The following SSR3 variants were observed in gnomAD, a reference collection of about 807,000 sequenced individuals.
The protein encoded by SSR3 is translocon-associated protein subunit gamma.
Under a neutral mutation model 22.1 loss-of-function variants are expected in SSR3, and 10 were observed. The ratio of observed to expected loss-of-function variants is 0.45; its 90% confidence interval spans 0.28 to 0.77. The LOEUF (loss-of-function observed/expected upper bound fraction) is 0.77, where lower values mean the gene tolerates loss of function less well. Among genes scored for constraint, SSR3 ranks in the 30% least tolerant of loss-of-function variants. The pLI, the probability that SSR3 is intolerant of heterozygous loss-of-function variation, is 0.13. For synonymous variants in SSR3, 104 were observed against 82.5 expected (o/e 1.26, Z -1.42); for missense variants, 181 against 220.5 (o/e 0.82, Z 1.13).
At chr3:156,545,586 C>T (rs192120545) in intron 3 of SSR3, among the ~76,000 whole-genome samples, 2 of 152,112 alleles carry the variant, frequency 1.3e-5, no homozygotes, top group East Asian at 1.9e-4. Context: ...CAAGTTTTGC[C>T]GGAAAGGAGC....
intron 3 of SSR3, among the ~76,000 whole-genome samples, chr3:156,546,499 A>G (rs1218807104): frequency 4.6e-5 from 7 of 152,226 alleles, no homozygotes; most frequent in Admixed American, 4.6e-4. Context: ...AGATCCCAAT[A>G]TGACCACGTG....
In SSR3 at chr3:156,542,388, T is replaced by C. The variant is rs1490238963; in HGVS notation, c.*815A>G. On this transcript the variant is annotated 3_prime_UTR_variant, in exon 5 of 5. Coordinates refer to ENST00000265044, the MANE Select transcript of SSR3 (RefSeq NM_007107.5). ...TACTTTGGTCTTTTACATGTCAATA[T>C]TCAGGAAAGAGGTTCTTTCTCTTAC... 1 of 152,258 alleles carries C rather than the reference T, an allele frequency of 6.6e-6. No homozygotes were observed. Among genetic ancestry groups the C allele is most frequent in the East Asian group, 1.9e-4 (1 of 5,204 alleles). The allele number at this position is 152,258 out of a possible 1,614,324, so 9.4% of individuals were successfully genotyped here.
intron 2 of SSR3, chr3:156,551,344 T>A (rs113454166): frequency 6.6e-6 from 1 of 152,088 alleles, no homozygotes; most frequent in African/African-American, 2.4e-5. Context: ...AAGTAAAGAA[T>A]GACGAGTCTC....
chr3:156,550,452 G>C (rs1474290068), intron 2 of SSR3, among the ~76,000 whole-genome samples: 1 of 152,172 alleles, frequency 6.6e-6, no homozygotes, highest in Non-Finnish European at 1.5e-5. Context: ...TCACCTACCA[G>C]GGGCATAACA....
chr3:156,552,268 C>A (rs562678684), intron 2 of SSR3, among the ~76,000 whole-genome samples: 1 of 148,478 alleles, frequency 6.7e-6, no homozygotes, highest in Non-Finnish European at 1.5e-5. Flanking sequence ...TGGGCCACTG[C>A]GCTCTAACTT....
At chr3:156,544,483 T>TA (rs768630069) in intron 3 of SSR3, 44 bp from the exon 4 acceptor site, 6 of 1,463,482 alleles carry the variant, frequency 4.1e-6, no homozygotes, top group South Asian at 1.6e-5. Flanking sequence ...AAATATGATT[T>TA]AAAAAAACTT....
Position 156,554,758 on chromosome 3 carries a change from A to T in SSR3, c.133+199T>A, listed in dbSNP as rs989879925. The T allele has an allele frequency of 2.6e-4, 166 of 647,132 alleles. 1 individual carries two copies. The Middle Eastern group carries it at 2.6e-3, about 10-fold the overall frequency. 40.1% of individuals were successfully genotyped at this position (647,132 alleles called of 1,614,324 possible). ...GTACTTTTAACAAGTGACCTCCCCG[A>T]GTGCTGCACAGGACAATCCCAAGCG... is the stretch of plus-strand genomic sequence containing the variant. On this transcript the variant is annotated intron_variant, in intron 1 of 4. Coordinates refer to ENST00000265044, the MANE Select transcript of SSR3 (RefSeq NM_007107.5).
intron 1 of SSR3, among the ~76,000 whole-genome samples, chr3:156,554,449 A>T (rs962623039): frequency 3.9e-5 from 6 of 152,200 alleles, no homozygotes; most frequent in Admixed American, 3.3e-4. Context: ...AACCCCTGGC[A>T]CTTCAACCTC....
intron 2 of SSR3, among the ~76,000 whole-genome samples, chr3:156,551,955 G>A (rs1289466073): frequency 6.6e-6 from 1 of 152,156 alleles, no homozygotes; most frequent in African/African-American, 2.4e-5. Context: ...GAAGGAAGCA[G>A]ATGACTTGCA....
chr3:156,554,879 C>T, intron 1 of SSR3, 78 bp downstream of exon 1: 1 of 1,537,842 alleles, frequency 6.5e-7, no homozygotes, highest in Non-Finnish European at 8.8e-7. Flanking sequence ...GCCTTCCCTG[C>T]TCGCCGGGTC....
intron 3 of SSR3, among the ~76,000 whole-genome samples, chr3:156,547,709 A>G (rs1350461767): frequency 3.3e-5 from 5 of 152,234 alleles, no homozygotes; most frequent in Admixed American, 3.3e-4. Flanking sequence ...CCACTATAGA[A>G]GACATTGTTC....
chr3:156,543,738 T>C (rs1448449530), intron 4 of SSR3, among the ~76,000 whole-genome samples: 1 of 152,212 alleles, frequency 6.6e-6, no homozygotes, highest in Non-Finnish European at 1.5e-5. Flanking sequence ...AGCAAATCAC[T>C]CCAGCATTCC....
At position 156,553,793 on chromosome 3, in the gene SSR3, TAAAAG is replaced by T; in HGVS notation, c.134-17_134-13del. On this transcript the variant is annotated splice_polypyrimidine_tract_variant and intron_variant, in intron 1 of 4. Coordinates refer to ENST00000265044, the MANE Select transcript of SSR3 (RefSeq NM_007107.5). ...TCGCCAGTATAACCCTGAATTAAAA[TAAAAG>T]GGGGAAGGGTACAAAAAGAAGCAAA... The T allele has an allele frequency of 6.3e-7, 1 of 1,584,400 alleles. No individual in the cohort carries two copies.
At chr3:156,548,536 G>A (rs1719840642) in intron 3 of SSR3, among the ~76,000 whole-genome samples, 1 of 152,176 alleles carries the variant, frequency 6.6e-6, no homozygotes, top group South Asian at 2.1e-4. Flanking sequence ...ACAGTTACAA[G>A]TACAAGCTCT....
At chr3:156,554,421 T>TA (rs1300296629) in intron 1 of SSR3, among the ~76,000 whole-genome samples, 1 of 152,190 alleles carries the variant, frequency 6.6e-6, no homozygotes, top group Non-Finnish European at 1.5e-5. Flanking sequence ...TTAAAAAGTA[T>TA]AAATAAGGTA....
At chr3:156,543,798 C>T (rs920047284) in intron 4 of SSR3, among the ~76,000 whole-genome samples, 6 of 152,180 alleles carry the variant, frequency 3.9e-5, no homozygotes, top group African/African-American at 7.2e-5. Context: ...ATCATAATCA[C>T]CAATTGTTAA....
At chr3:156,545,715 A>C (rs1185507107) in intron 3 of SSR3, among the ~76,000 whole-genome samples, 5 of 150,454 alleles carry the variant, frequency 3.3e-5, no homozygotes, top group African/African-American at 1.2e-4. Context: ...ATTTACTGTA[A>C]GTTTGGAGGA....
chr3:156,553,280 C>T (rs1720029436), intron 2 of SSR3, among the ~76,000 whole-genome samples: 1 of 152,090 alleles, frequency 6.6e-6, no homozygotes, highest in Non-Finnish European at 1.5e-5. Flanking sequence ...ACAAAAAGAT[C>T]ATTTCTTTAA....
In SSR3 at chr3:156,555,060, C is replaced by G; in HGVS notation, c.30G>C (p.Gln10His). 6.2e-7 allele frequency: 1 copy of G among 1,613,968 alleles called. No individual in the cohort carries two copies. The change falls in exon 1 of 5, where the codon CAG becomes CAC. Residue 10 changes from glutamine (Q) to histidine (H), a missense_variant. Gln to His is a conservative substitution (Grantham distance 24). Transcript: ENST00000265044. ...CCTGCAGGAGCAGGTCCTCCTCAGA[C>G]TGCTGTTTGGAGCTGCCTTTAGGAG... MAPKGSSKQQSEEDLLLQDF... is the reference protein window; with the variant it reads MAPKGSSKQHSEEDLLLQDF...
Sources: allele counts gnomAD v4.1 joint callset (sites outside exome capture counted in the v4.1 genomes callset), GRCh38; gene constraint gnomAD v4.1.1; transcripts MANE v1.5; gene names NCBI Gene and HGNC (gene_info 2026-07-23, HGNC 2026-07-21).